Variants in HS6ST2 observed in about 807,000 individuals in gnomAD.
HS6ST2 encodes the protein heparan sulfate 6-O-sulfotransferase 2.
In HS6ST2, 17 loss-of-function variants were observed where a neutral mutation model predicts 33.0. That is an observed-to-expected ratio of 0.52 (90% CI 0.35 to 0.77). The LOEUF (loss-of-function observed/expected upper bound fraction) is 0.77, where lower values mean the gene tolerates loss of function less well. HS6ST2 is among the 30% of genes least tolerant of loss of function. The pLI is 0.01. For missense variants in HS6ST2, 519 were observed against 551.7 expected, an observed-to-expected ratio of 0.94 and a Z score of 0.59; for synonymous variants, 248 against 237.1, an observed-to-expected ratio of 1.05 and a Z score of -0.42.
chrX:132,672,152 G>T (rs1010480217), intron 3 of HS6ST2, among the ~76,000 whole-genome samples: 1 of 111,283 alleles, frequency 9.0e-6, no homozygotes, highest in Non-Finnish European at 1.9e-5. Flanking sequence ...CAGACTGTCT[G>T]GGAACTTCAA....
rs1224471321 is a variant in HS6ST2 at position 132,853,332 on chromosome X, C to CT, written c.947+103475dup. Among the ~76,000 whole-genome samples, 136 of 80,455 alleles carry CT rather than the reference C, an allele frequency of 1.7e-3. 1 individual carries two copies. The highest frequency in any genetic ancestry group is 5.9e-3 in the African/African-American group (126 of 21,466). 69.9% of individuals were successfully genotyped at this position (80,455 alleles called of 115,157 possible). On this transcript the variant is annotated intron_variant, in intron 2 of 4. Transcript: ENST00000370833. Reference sequence around the variant, plus strand: ...GGGTGCCTGGCTTTTTTTTTTTTTTCTTTTTTTTTAGAGATGGTCTCTTGC... The same window carrying CT: ...GGGTGCCTGGCTTTTTTTTTTTTTTCTTTTTTTTTTAGAGATGGTCTCTTGC...
intron 3 of HS6ST2, among the ~76,000 whole-genome samples, chrX:132,685,106 C>A (rs970101582): frequency 6.3e-5 from 7 of 111,788 alleles, no homozygotes; most frequent in African/African-American, 2.3e-4. Flanking sequence ...AGAGGACACA[C>A]ACAAAAAGGT....
intron 2 of HS6ST2, among the ~76,000 whole-genome samples, chrX:132,849,369 T>C (rs1321222532): frequency 9.0e-6 from 1 of 110,907 alleles, no homozygotes; most frequent in African/African-American, 3.3e-5. Flanking sequence ...AAAAATCAAG[T>C]GGGGAGGTTG....
At chrX:132,790,280 G>T (rs1054114754) in intron 2 of HS6ST2, among the ~76,000 whole-genome samples, 1 of 111,983 alleles carries the variant, frequency 8.9e-6, no homozygotes, top group Non-Finnish European at 1.9e-5. Context: ...GCAAAACAAC[G>T]ACAACTCATT....
chrX:132,896,716 C>T (rs1371301945), intron 2 of HS6ST2, among the ~76,000 whole-genome samples: 1 of 111,246 alleles, frequency 9.0e-6, no homozygotes, highest in Non-Finnish European at 1.9e-5. Context: ...ACTATGTACC[C>T]ACAAAAAATT....
At chrX:132,840,750 G>T (rs2065700533) in intron 2 of HS6ST2, among the ~76,000 whole-genome samples, 1 of 111,537 alleles carries the variant, frequency 9.0e-6, no homozygotes, top group African/African-American at 3.3e-5. Flanking sequence ...TATATGTGCA[G>T]GTACAAAAAT....
chrX:132,905,374 A>G (rs188025045), intron 2 of HS6ST2, among the ~76,000 whole-genome samples: 1 of 112,344 alleles, frequency 8.9e-6, no homozygotes, highest in East Asian at 2.8e-4. Context: ...TTTCACACCT[A>G]GATTTTTCAT....
chrX:132,921,242 A>T (rs776577844), intron 2 of HS6ST2, among the ~76,000 whole-genome samples: 1 of 112,084 alleles, frequency 8.9e-6, no homozygotes, highest in South Asian at 3.8e-4. Flanking sequence ...CTGCAGACCA[A>T]CAGCATCAGC....
rs191470361 is a variant in HS6ST2, at chrX:132,638,522, C to T, written c.1068-9429G>A. Among the ~76,000 whole-genome samples the T allele has an allele frequency of 6.4e-4, 72 of 112,300 alleles. No homozygotes were observed. In the East Asian group the frequency reaches 0.015, roughly 23 times the overall value. On this transcript the variant is annotated intron_variant, in intron 4 of 4. Transcript: ENST00000370833. Reference sequence around the variant, plus strand: ...CAAGTTTTATGGCTTAGTAGTCATGCTTTACCTAGTGAGAAGAGTGAGCTG... The same window carrying T: ...CAAGTTTTATGGCTTAGTAGTCATGTTTTACCTAGTGAGAAGAGTGAGCTG...
chrX:132,649,051 C>A (rs2063668553), intron 4 of HS6ST2, among the ~76,000 whole-genome samples: 1 of 112,272 alleles, frequency 8.9e-6, no homozygotes, highest in Non-Finnish European at 1.9e-5. Flanking sequence ...CCAAATTTTT[C>A]TACTAAGCAA....
intron 2 of HS6ST2, among the ~76,000 whole-genome samples, chrX:132,935,256 T>A (rs1418145604): frequency 8.8e-3 from 5 of 570 alleles, no homozygotes; most frequent in African/African-American, 0.028. Context: ...AACTACCAAG[T>A]TTTAGCAACA....
At chrX:132,721,115 C>T in intron 2 of HS6ST2, among the ~76,000 whole-genome samples, 2 of 112,044 alleles carry the variant, frequency 1.8e-5, no homozygotes, top group Middle Eastern at 9.2e-3. Flanking sequence ...CATCCAATGG[C>T]TGCAGAATAC....
At chrX:132,629,167 A>G in intron 4 of HS6ST2, 74 bp from the exon 5 acceptor site, 1 of 1,068,301 alleles carries the variant, frequency 9.4e-7, no homozygotes, top group Non-Finnish European at 1.2e-6. Flanking sequence ...TACATGGCAT[A>G]TGTGGTGTTC....
chrX:132,751,368 A>G (rs2064706358), intron 2 of HS6ST2, among the ~76,000 whole-genome samples: 2 of 111,593 alleles, frequency 1.8e-5, no homozygotes, highest in South Asian at 7.7e-4. Flanking sequence ...AGGCCTCTGG[A>G]GTTATGATTG....
At chrX:132,774,414 G>C (rs1168342696) in intron 2 of HS6ST2, among the ~76,000 whole-genome samples, 1 of 112,068 alleles carries the variant, frequency 8.9e-6, no homozygotes, top group Non-Finnish European at 1.9e-5. Flanking sequence ...TTGAAAAATT[G>C]CTCCTACAGA....
intron 2 of HS6ST2, among the ~76,000 whole-genome samples, chrX:132,802,514 T>C (rs998870068): frequency 1.8e-5 from 2 of 111,314 alleles, no homozygotes; most frequent in Non-Finnish European, 3.8e-5. Context: ...AAAATACATC[T>C]TCATTCCAAA....
chrX:132,712,853 C>T (rs2064243037), intron 2 of HS6ST2, among the ~76,000 whole-genome samples: 1 of 110,757 alleles, frequency 9.0e-6, no homozygotes, highest in South Asian at 3.9e-4. Flanking sequence ...GGAGAAACCT[C>T]GTCTCTACTA....
intron 2 of HS6ST2, among the ~76,000 whole-genome samples, chrX:132,841,157 G>A (rs1602737589): frequency 8.9e-6 from 1 of 111,801 alleles, no homozygotes; most frequent in African/African-American, 3.3e-5. Flanking sequence ...AGAACTATGG[G>A]AGAAACTTGA....
intron 3 of HS6ST2, among the ~76,000 whole-genome samples, chrX:132,705,072 G>A (rs979360921): frequency 9.0e-6 from 1 of 111,048 alleles, no homozygotes; most frequent in African/African-American, 3.3e-5. Context: ...GCTATGTGAG[G>A]AGGTGAAGTT....
Sources: allele counts gnomAD v4.1 joint callset (sites outside exome capture counted in the v4.1 genomes callset), GRCh38; gene constraint gnomAD v4.1.1; transcripts MANE v1.5; gene names NCBI Gene and HGNC (gene_info 2026-07-23, HGNC 2026-07-21).